Variants in CCDC102B observed in about 807,000 individuals in gnomAD.
CCDC102B encodes the protein coiled-coil domain-containing protein 102B.
CCDC102B carries 75 observed loss-of-function variants against 57.4 expected under a neutral mutation model. That is an observed-to-expected ratio of 1.31 (90% CI 1.08 to 1.58). The LOEUF is 1.58. Among genes scored for constraint, CCDC102B ranks in the 40% most tolerant of loss-of-function variants. The pLI, the probability that CCDC102B is intolerant of heterozygous loss-of-function variation, is 0.00. For missense variants in CCDC102B, 636 were observed against 582.6 expected, an observed-to-expected ratio of 1.09 and a Z score of -0.94; for synonymous variants, 206 against 201.9, an observed-to-expected ratio of 1.02 and a Z score of -0.17.
chr18:68,933,000 A>G (rs2041727547), intron 6 of CCDC102B, among the ~76,000 whole-genome samples: 1 of 151,840 alleles, frequency 6.6e-6, no homozygotes, highest in African/African-American at 2.4e-5. Flanking sequence ...TATAGTGCAC[A>G]TTCATGTTTT....
intron 2 of CCDC102B, among the ~76,000 whole-genome samples, chr18:68,788,821 C>CCAATTAA (rs2035314367): frequency 6.6e-6 from 1 of 152,094 alleles, no homozygotes; most frequent in South Asian, 2.1e-4. Context: ...AGCATTTACT[C>CCAATTAA]CATTGACATT....
At chr18:68,812,499 A>G (rs1319936824) in intron 1 of CCDC102B, among the ~76,000 whole-genome samples, 1 of 152,184 alleles carries the variant, frequency 6.6e-6, no homozygotes, top group Non-Finnish European at 1.5e-5. Flanking sequence ...TAAGTAATAG[A>G]AAAGCATTTT....
intron 3 of CCDC102B, among the ~76,000 whole-genome samples, chr18:68,842,420 C>T (rs145567740): frequency 4.7e-4 from 71 of 151,846 alleles, no homozygotes; most frequent in African/African-American, 1.2e-3. Flanking sequence ...TGTGTTTTGG[C>T]AATTCACTGC....
chr18:68,897,700 C>A, intron 6 of CCDC102B: 1 of 1,248,678 alleles, frequency 8.0e-7, no homozygotes, highest in Non-Finnish European at 1.1e-6. Flanking sequence ...ATAGAACTTT[C>A]TGGTTTTTTG....
At chr18:68,895,011 T>C (rs1297845459) in intron 5 of CCDC102B, among the ~76,000 whole-genome samples, 6 of 151,958 alleles carry the variant, frequency 3.9e-5, no homozygotes, top group Non-Finnish European at 8.8e-5. Flanking sequence ...AAAATACATT[T>C]GCTCTCCTTA....
chr18:68,820,530 T>C (rs1599512720), intron 1 of CCDC102B, among the ~76,000 whole-genome samples: 1 of 152,132 alleles, frequency 6.6e-6, no homozygotes, highest in Admixed American at 6.6e-5. Flanking sequence ...CAGGGTTTTA[T>C]TGACCTCATA....
intron 2 of CCDC102B, among the ~76,000 whole-genome samples, chr18:68,779,503 T>C (rs2034934191): frequency 6.6e-6 from 1 of 152,126 alleles, no homozygotes. Context: ...ACCTTTCTTT[T>C]GTATTTTCAT....
chr18:68,801,513 ATT>A, intron 1 of CCDC102B, among the ~76,000 whole-genome samples: 2 of 152,132 alleles, frequency 1.3e-5, no homozygotes, highest in South Asian at 4.1e-4. Flanking sequence ...TGATGTTAAA[ATT>A]TTGATAGAAG....
At chr18:68,779,652 G>C (rs1232867080) in intron 2 of CCDC102B, among the ~76,000 whole-genome samples, 1 of 151,984 alleles carries the variant, frequency 6.6e-6, no homozygotes, top group African/African-American at 2.4e-5. Context: ...AATGTTTGGA[G>C]ACCATTAAAG....
At chr18:68,800,795 A>G (rs1330345896) in intron 1 of CCDC102B, among the ~76,000 whole-genome samples, 2 of 152,204 alleles carry the variant, frequency 1.3e-5, no homozygotes, top group Non-Finnish European at 2.9e-5. Context: ...GGTGAAAAGC[A>G]TAAATAAAAT....
At chr18:68,997,268 G>A (rs1003078378) in intron 6 of CCDC102B, among the ~76,000 whole-genome samples, 2 of 152,138 alleles carry the variant, frequency 1.3e-5, no homozygotes, top group Non-Finnish European at 2.9e-5. Flanking sequence ...ACATTTTATA[G>A]TAGATACATT....
intron 1 of CCDC102B, among the ~76,000 whole-genome samples, chr18:68,817,697 C>T (rs2036538319): frequency 6.6e-6 from 1 of 152,132 alleles, no homozygotes; most frequent in Non-Finnish European, 1.5e-5. Context: ...TGTTCTTAGT[C>T]ATGTGTGTGG....
upstream of CCDC102B, among the ~76,000 whole-genome samples, chr18:68,795,589 A>G (rs1049451076): frequency 1.3e-5 from 2 of 152,026 alleles, no homozygotes; most frequent in African/African-American, 2.4e-5. Context: ...CTATCACTCC[A>G]ATTGCTGTCT....
chr18:68,862,746 A>G (rs973644008), intron 4 of CCDC102B, among the ~76,000 whole-genome samples: 2 of 152,124 alleles, frequency 1.3e-5, no homozygotes, highest in Non-Finnish European at 2.9e-5. Flanking sequence ...CTACTCTCCA[A>G]GTATGCCTAT....
At chr18:68,896,116 C>T (rs75098789) in intron 5 of CCDC102B, among the ~76,000 whole-genome samples, 1,660 of 151,948 alleles carry the variant, frequency 0.011, 36 homozygotes, top group African/African-American at 0.037. Context: ...ATGGTGAAGT[C>T]ACATTAGAAT....
intron 6 of CCDC102B, among the ~76,000 whole-genome samples, chr18:68,985,373 C>T (rs1225913033): frequency 6.6e-6 from 1 of 152,014 alleles, no homozygotes; most frequent in East Asian, 1.9e-4. Flanking sequence ...TAAGAGAAAA[C>T]CACTACTCTC....
At chr18:68,880,128 C>T (rs570935033) in intron 5 of CCDC102B, among the ~76,000 whole-genome samples, 7 of 152,194 alleles carry the variant, frequency 4.6e-5, no homozygotes, top group Non-Finnish European at 7.3e-5. Context: ...CTGCAGGTCC[C>T]GAGCCCTGCC....
chr18:68,937,393 G>A (rs775586800), intron 6 of CCDC102B, among the ~76,000 whole-genome samples: 14 of 152,146 alleles, frequency 9.2e-5, no homozygotes, highest in Admixed American at 2.0e-4. Flanking sequence ...AGCTGGAAAC[G>A]TGGTCATCCA....
intron 2 of CCDC102B, among the ~76,000 whole-genome samples, chr18:68,790,380 T>C (rs1367956816): frequency 3.3e-5 from 5 of 152,004 alleles, no homozygotes; most frequent in East Asian, 3.9e-4. Flanking sequence ...TCTGGGCTGC[T>C]TTGTTTACCT....
Sources: gnomAD v4.1 joint callset for allele counts (sites outside exome capture counted in the v4.1 genomes callset) on GRCh38, gnomAD v4.1.1 for gene constraint, MANE v1.5 for transcripts, NCBI Gene and HGNC (gene_info 2026-07-23, HGNC 2026-07-21) for gene names.